Variants in NTRK2 observed in about 807,000 individuals in gnomAD.
NTRK2 encodes BDNF/NT-3 growth factors receptor.
Under a neutral mutation model 94.5 loss-of-function variants are expected in NTRK2, and 13 were observed. The ratio of observed to expected loss-of-function variants is 0.14; its 90% CI spans 0.09 to 0.22. NTRK2 has a LOEUF of 0.22. NTRK2 is among the 10% of genes least tolerant of loss of function. The pLI is 1.00. For synonymous variants in NTRK2, 372 were observed against 407.4 expected (o/e 0.91, Z 1.05); for missense variants, 639 against 1,071.2 (o/e 0.60, Z 5.63).
At chr9:84,756,452 T>TG (rs531660406) in intron 12 of NTRK2, among the ~76,000 whole-genome samples, 55 of 152,278 alleles carry the variant, frequency 3.6e-4, no homozygotes, top group Middle Eastern at 3.4e-3. Flanking sequence ...GCATTGATGG[T>TG]GTACAGGGTT....
At chr9:84,988,463 C>A (rs1025774890) in intron 17 of NTRK2, among the ~76,000 whole-genome samples, 4 of 152,190 alleles carry the variant, frequency 2.6e-5, no homozygotes, top group African/African-American at 9.7e-5. Context: ...CACACTCACA[C>A]TCACTTACAC....
chr9:84,863,214 A>G (rs1020369829), intron 13 of NTRK2, among the ~76,000 whole-genome samples: 2 of 152,184 alleles, frequency 1.3e-5, no homozygotes, highest in African/African-American at 2.4e-5. Context: ...AAACTCCCCC[A>G]GATGAACTTC....
intron 12 of NTRK2, among the ~76,000 whole-genome samples, chr9:84,852,234 T>G (rs2074811407): frequency 6.6e-6 from 1 of 152,206 alleles, no homozygotes; most frequent in Non-Finnish European, 1.5e-5. Flanking sequence ...TCAGCCAGCT[T>G]CCTCCGCAAA....
At chr9:84,944,215 TCACACACACACACACA>T (rs56021326) in intron 15 of NTRK2, among the ~76,000 whole-genome samples, 1 of 120,316 alleles carries the variant, frequency 8.3e-6, no homozygotes, top group Non-Finnish European at 1.7e-5. Flanking sequence ...TCTCTCTCTC[TCACACACACACACACA>T]CACACACACA....
chr9:84,731,214 C>T (rs2062868474), intron 9 of NTRK2, among the ~76,000 whole-genome samples: 1 of 152,112 alleles, frequency 6.6e-6, no homozygotes, highest in African/African-American at 2.4e-5. Context: ...GTGGGCAGAT[C>T]GCTTGAGCTC....
At chr9:84,782,320 C>T (rs1029547619) in intron 12 of NTRK2, among the ~76,000 whole-genome samples, 4 of 152,070 alleles carry the variant, frequency 2.6e-5, no homozygotes, top group African/African-American at 9.7e-5. Context: ...TTTGGAAAAC[C>T]ATTTAAAAGG....
intron 12 of NTRK2, among the ~76,000 whole-genome samples, chr9:84,788,680 GAC>G (rs1313707399): frequency 6.6e-6 from 1 of 152,074 alleles, no homozygotes; most frequent in Admixed American, 6.5e-5. Context: ...GGATGATGGA[GAC>G]ACAGCATGCA....
intron 14 of NTRK2, among the ~76,000 whole-genome samples, chr9:84,920,762 T>G (rs1485382474): frequency 2.6e-5 from 4 of 152,140 alleles, no homozygotes; most frequent in African/African-American, 9.7e-5. Flanking sequence ...TGCCCTCACC[T>G]CACCAATCTA....
At chr9:84,741,343 G>T (rs1019529100) in intron 9 of NTRK2, among the ~76,000 whole-genome samples, 6 of 152,020 alleles carry the variant, frequency 3.9e-5, no homozygotes, top group Admixed American at 1.3e-4. Context: ...TGTTGTGTTA[G>T]GGCTTAAAAA....
At chr9:84,809,007 A>G (rs546228764) in intron 12 of NTRK2, among the ~76,000 whole-genome samples, 17 of 152,286 alleles carry the variant, frequency 1.1e-4, no homozygotes, top group Middle Eastern at 3.4e-3. Flanking sequence ...CACATGGTCT[A>G]TTTTGCCACT....
At chr9:84,805,747 A>G (rs774975429) in intron 12 of NTRK2, among the ~76,000 whole-genome samples, 1 of 152,228 alleles carries the variant, frequency 6.6e-6, no homozygotes, top group Non-Finnish European at 1.5e-5. Flanking sequence ...CTCTGCCCTC[A>G]TGAATAGATG....
Position 84,885,002 on chromosome 9 carries a change from A to G in NTRK2, c.1633+17571A>G, listed in dbSNP as rs2076369955. Among the ~76,000 whole-genome samples the G allele has an allele frequency of 2.0e-5, 3 of 152,354 alleles. No individual in the cohort carries two copies. The South Asian group carries it at 6.2e-4, about 32-fold the overall frequency. ...AGAACATGTAAAATATGTACTGGAT[A>G]TAGTCAGGAGGCAAGGAAACGGATG... On this transcript the variant is annotated intron_variant, in intron 14 of 18. Coordinates refer to ENST00000277120, the MANE Select transcript of NTRK2 (RefSeq NM_006180.6).
chr9:84,836,934 G>GTATGATATAA (rs544642841), intron 12 of NTRK2, among the ~76,000 whole-genome samples: 3 of 134,194 alleles, frequency 2.2e-5, no homozygotes, highest in East Asian at 4.5e-4. Context: ...TTGTCGTAGA[G>GTATGATATAA]TATAATATAA....
At chr9:84,691,410 C>G (rs548853551) in intron 2 of NTRK2, among the ~76,000 whole-genome samples, 29 of 152,104 alleles carry the variant, frequency 1.9e-4, no homozygotes, top group Non-Finnish European at 4.1e-4. Context: ...ATGTTAGACT[C>G]CCATTCCTAC....
chr9:84,715,172 A>G (rs1254899677), intron 6 of NTRK2, among the ~76,000 whole-genome samples: 2 of 152,194 alleles, frequency 1.3e-5, no homozygotes, highest in Non-Finnish European at 2.9e-5. Flanking sequence ...TGCATGAACC[A>G]TATCATATTA....
chr9:84,987,715 A>G (rs1828504301), intron 17 of NTRK2, among the ~76,000 whole-genome samples: 1 of 152,126 alleles, frequency 6.6e-6, no homozygotes, highest in African/African-American at 2.4e-5. Flanking sequence ...TGATTGTTTT[A>G]TTTACTACCA....
At chr9:84,886,174 C>A (rs1368045275) in intron 14 of NTRK2, among the ~76,000 whole-genome samples, 1 of 152,112 alleles carries the variant, frequency 6.6e-6, no homozygotes, top group Non-Finnish European at 1.5e-5. Context: ...TATATGTGAC[C>A]AATGAGACCA....
intron 2 of NTRK2, among the ~76,000 whole-genome samples, chr9:84,698,083 A>T (rs1658885538): frequency 1.3e-5 from 2 of 152,112 alleles, no homozygotes; most frequent in South Asian, 2.1e-4. Flanking sequence ...TTCTTTTAAT[A>T]AAATAGTTTA....
At chr9:84,891,263 G>A (rs541190132) in intron 14 of NTRK2, among the ~76,000 whole-genome samples, 57 of 151,750 alleles carry the variant, frequency 3.8e-4, no homozygotes, top group Non-Finnish European at 6.2e-4. Flanking sequence ...CAGGCCTTCC[G>A]AAAGCTTAGG....
Sources: allele counts gnomAD v4.1 joint callset (sites outside exome capture counted in the v4.1 genomes callset), GRCh38; gene constraint gnomAD v4.1.1; transcripts MANE v1.5; gene names NCBI Gene and HGNC (gene_info 2026-07-23, HGNC 2026-07-21).